SPAG16: variants seen among roughly 807,000 people sequenced by gnomAD.
SPAG16 encodes the protein sperm associated antigen 16, also known as sperm-associated antigen 16 protein.
A neutral mutation model predicts 80.4 loss-of-function variants in SPAG16; 86 were observed. The ratio of observed to expected loss-of-function variants is 1.07; its 90% CI spans 0.90 to 1.28. The LOEUF (loss-of-function observed/expected upper bound fraction) is 1.28. Among genes scored for constraint, SPAG16 ranks in the 50% most tolerant of loss-of-function variants. The pLI is 0.00. For synonymous variants in SPAG16, 294 were observed against 265.9 expected (o/e 1.11, Z -1.03); for missense variants, 870 against 765.3 (o/e 1.14, Z -1.61).
At chr2:213,892,213 G>A (rs1301941535) in intron 11 of SPAG16, among the ~76,000 whole-genome samples, 5 of 151,964 alleles carry the variant, frequency 3.3e-5, no homozygotes, top group African/African-American at 4.8e-5. Context: ...TCTCCACTTG[G>A]GAAAGGCAGC....
chr2:213,368,394 C>T (rs180950568), intron 8 of SPAG16, among the ~76,000 whole-genome samples: 74 of 152,168 alleles, frequency 4.9e-4, no homozygotes, highest in Middle Eastern at 6.8e-3. Context: ...CTCAAAAATT[C>T]GTTATTGATG....
rs563648460 is a variant in SPAG16, at chr2:214,010,315, C to T, written c.1401-3636C>T. ...TAAGAATTGTAGAGAAAATATTAAA[C>T]GTAAAGGCAAATTAGACAAAAAAGG... On this transcript the variant is annotated intron_variant, in intron 12 of 15. Transcript: ENST00000331683. Among the ~76,000 whole-genome samples the T allele has an allele frequency of 1.7e-4, 25 of 144,988 alleles. 4 individuals carry two copies. Among genetic ancestry groups the T allele is most frequent in the Middle Eastern group, 6.9e-3 (2 of 288 alleles).
intron 13 of SPAG16, among the ~76,000 whole-genome samples, chr2:214,085,831 T>C (rs2051704173): frequency 6.6e-6 from 1 of 152,220 alleles, no homozygotes; most frequent in African/African-American, 2.4e-5. Flanking sequence ...TATCTGCTAA[T>C]ATGAAGTGGA....
At chr2:214,314,086 G>T (rs768688836) in intron 15 of SPAG16, among the ~76,000 whole-genome samples, 1 of 151,980 alleles carries the variant, frequency 6.6e-6, no homozygotes, top group Non-Finnish European at 1.5e-5. Context: ...GTGGTTCAGT[G>T]ACTAACATTG....
At chr2:214,372,834 C>G (rs1233722986) in intron 15 of SPAG16, among the ~76,000 whole-genome samples, 1 of 152,146 alleles carries the variant, frequency 6.6e-6, no homozygotes, top group Non-Finnish European at 1.5e-5. Context: ...CTTCCCCCCA[C>G]CCCAAATAAA....
chr2:214,224,325 C>G (rs576937976), intron 15 of SPAG16, among the ~76,000 whole-genome samples: 9 of 151,928 alleles, frequency 5.9e-5, no homozygotes, highest in Non-Finnish European at 1.2e-4. Flanking sequence ...TCTTAAAAAT[C>G]AGAACAAAAA....
intron 10 of SPAG16, among the ~76,000 whole-genome samples, chr2:213,764,038 T>A (rs1455507053): frequency 6.6e-6 from 1 of 152,200 alleles, no homozygotes; most frequent in Non-Finnish European, 1.5e-5. Flanking sequence ...GAGTCACAAG[T>A]GAATCTCTAA....
At chr2:213,816,910 T>G (rs2072578358) in intron 10 of SPAG16, among the ~76,000 whole-genome samples, 2 of 152,084 alleles carry the variant, frequency 1.3e-5, no homozygotes, top group Non-Finnish European at 2.9e-5. Context: ...ATATGATAAT[T>G]GACTTCTCTG....
rs1354088017 is a variant in SPAG16 at position 213,554,815 on chromosome 2, A to C, written c.1070+64725A>C. ...ACAAAGGAGAACAAAGAAAAAAAGAAAAAAAATTAATGAAGAAAGCTTATG... is the reference window on the plus strand; with the variant it reads ...ACAAAGGAGAACAAAGAAAAAAAGACAAAAAATTAATGAAGAAAGCTTATG... On this transcript the variant is annotated intron_variant, in intron 10 of 15. Coordinates refer to ENST00000331683, the MANE Select transcript of SPAG16 (RefSeq NM_024532.5). Among the ~76,000 whole-genome samples, 4 of 151,944 alleles carry C rather than the reference A, an allele frequency of 2.6e-5. No homozygotes were observed. In the East Asian group the frequency reaches 7.7e-4, roughly 29 times the overall value.
chr2:214,240,699 T>A (rs903891299), intron 15 of SPAG16: 3 of 152,202 alleles, frequency 2.0e-5, no homozygotes, highest in Non-Finnish European at 4.4e-5. Context: ...TGGCCCATTA[T>A]GCAAGATAAA....
intron 9 of SPAG16, among the ~76,000 whole-genome samples, chr2:213,389,932 C>T (rs1224418869): frequency 2.0e-5 from 3 of 152,258 alleles, no homozygotes; most frequent in South Asian, 4.1e-4. Flanking sequence ...ATATTTTACA[C>T]CCATGTTCAT....
chr2:213,643,088 A>G (rs1470018970), intron 10 of SPAG16, among the ~76,000 whole-genome samples: 1 of 149,186 alleles, frequency 6.7e-6, no homozygotes, highest in African/African-American at 2.5e-5. Flanking sequence ...TATATCCATT[A>G]GTTTTGTCCC....
intron 15 of SPAG16, among the ~76,000 whole-genome samples, chr2:214,153,363 T>C (rs1276684853): frequency 3.9e-5 from 6 of 152,214 alleles, no homozygotes; most frequent in Admixed American, 3.3e-4. Flanking sequence ...AGGATTATTA[T>C]AATATTGGAA....
At chr2:213,887,533 A>T (rs1394073067) in intron 11 of SPAG16, among the ~76,000 whole-genome samples, 1 of 151,916 alleles carries the variant, frequency 6.6e-6, no homozygotes, top group Admixed American at 6.6e-5. Context: ...AATTTAAAAA[A>T]TATTAACTAC....
chr2:213,771,732 T>C (rs148205947), intron 10 of SPAG16, among the ~76,000 whole-genome samples: 2 of 152,320 alleles, frequency 1.3e-5, no homozygotes, highest in South Asian at 4.1e-4. Context: ...CTTGTTTTCA[T>C]CAGGTTTGTT....
chr2:214,167,351 C>T (rs890130021), intron 15 of SPAG16, among the ~76,000 whole-genome samples: 18 of 152,088 alleles, frequency 1.2e-4, no homozygotes, highest in Non-Finnish European at 2.1e-4. Flanking sequence ...CAGTGGAGGC[C>T]TGAGTTACCA....
At chr2:213,417,165 G>T (rs1055764678) in intron 9 of SPAG16, among the ~76,000 whole-genome samples, 1 of 152,078 alleles carries the variant, frequency 6.6e-6, no homozygotes, top group African/African-American at 2.4e-5. Context: ...CTAGCCTCAG[G>T]AGGTCAGAGG....
chr2:214,156,463 TA>T (rs2056218456), intron 15 of SPAG16, among the ~76,000 whole-genome samples: 2 of 152,034 alleles, frequency 1.3e-5, no homozygotes, highest in Non-Finnish European at 2.9e-5. Context: ...AAATAATTAT[TA>T]AAAACTGAAA....
intron 15 of SPAG16, among the ~76,000 whole-genome samples, chr2:214,236,960 G>A (rs554388271): frequency 3.3e-5 from 5 of 152,192 alleles, no homozygotes; most frequent in Non-Finnish European, 5.9e-5. Flanking sequence ...TTTATGGAAC[G>A]CATTCTCCCC....
Sources: gnomAD v4.1 joint callset for allele counts (sites outside exome capture counted in the v4.1 genomes callset) on GRCh38, gnomAD v4.1.1 for gene constraint, MANE v1.5 for transcripts, NCBI Gene and HGNC (gene_info 2026-07-23, HGNC 2026-07-21) for gene names.